The following MNAT1 variants were observed in gnomAD, a reference collection of about 807,000 sequenced individuals.
The protein encoded by MNAT1 is CDK-activating kinase assembly factor MAT1.
MNAT1 carries 43 observed loss-of-function variants against 42.0 expected under a neutral mutation model. The observed-to-expected ratio is 1.02, with a 90% CI of 0.80 to 1.32. The LOEUF is 1.32. Among genes scored for constraint, MNAT1 ranks in the 40% most tolerant of loss-of-function variants. MNAT1 has a pLI of 0.00. For missense variants in MNAT1, 306 were observed against 350.4 expected (o/e 0.87, Z 1.01); for synonymous variants, 118 against 120.0 (o/e 0.98, Z 0.11).
chr14:60,837,596 G>C (rs2033428982), intron 6 of MNAT1, among the ~76,000 whole-genome samples: 1 of 152,200 alleles, frequency 6.6e-6, no homozygotes, highest in South Asian at 2.1e-4. Context: ...ACCTCAGTTG[G>C]AAATACAGAA....
chr14:60,952,204 A>G (rs1231567990), intron 7 of MNAT1, among the ~76,000 whole-genome samples: 3 of 152,306 alleles, frequency 2.0e-5, no homozygotes, highest in African/African-American at 7.2e-5. Flanking sequence ...TTCAGGGTAC[A>G]TGGAGATGGT....
chr14:60,855,081 G>A (rs112809113), intron 6 of MNAT1, among the ~76,000 whole-genome samples: 18 of 152,112 alleles, frequency 1.2e-4, no homozygotes, highest in African/African-American at 3.1e-4. Flanking sequence ...TGAATTCTGC[G>A]CAGTTCAGAC....
intron 7 of MNAT1, among the ~76,000 whole-genome samples, chr14:60,926,247 G>A (rs2035761280): frequency 6.6e-6 from 1 of 152,198 alleles, no homozygotes; most frequent in Non-Finnish European, 1.5e-5. Flanking sequence ...CAGGTGTTGT[G>A]GGGTTTTCCC....
At chr14:60,867,274 A>C (rs2034224547) in intron 6 of MNAT1, among the ~76,000 whole-genome samples, 1 of 152,144 alleles carries the variant, frequency 6.6e-6, no homozygotes, top group Non-Finnish European at 1.5e-5. Context: ...CTGTGTCTGC[A>C]GGATGAAACC....
At chr14:60,754,372 C>T (rs1219189131) in intron 1 of MNAT1, among the ~76,000 whole-genome samples, 4 of 141,262 alleles carry the variant, frequency 2.8e-5, no homozygotes, top group South Asian at 4.4e-4. Context: ...GACCGAGTCT[C>T]GCTCTGTCGC....
chr14:60,943,933 A>G lies in MNAT1; in HGVS notation c.810-24296A>G, dbSNP rs186026783. 2.6e-5 allele frequency among the ~76,000 whole-genome samples: 4 copies of G among 152,314 alleles called. No homozygotes were observed. In the East Asian group the frequency reaches 7.7e-4, roughly 29 times the overall value. ...CTAAAAGTAGCTGCATTATCATAGA[A>G]TTCTTAAGTGTTATTCATATAAGTT... On this transcript the variant is annotated intron_variant, in intron 7 of 7. Coordinates refer to ENST00000261245, the MANE Select transcript of MNAT1 (RefSeq NM_002431.4).
At chr14:60,880,315 A>G (rs1390248020) in intron 7 of MNAT1, among the ~76,000 whole-genome samples, 2 of 152,166 alleles carry the variant, frequency 1.3e-5, no homozygotes, top group African/African-American at 4.8e-5. Flanking sequence ...CAACAGTCAT[A>G]TTATATATAT....
intron 1 of MNAT1, among the ~76,000 whole-genome samples, chr14:60,781,953 T>TTG (rs61229600): frequency 0.076 from 11,103 of 145,972 alleles, 485 homozygotes; most frequent in South Asian, 0.15. Context: ...TGGATTTTGT[T>TTG]TGTGTGTGTG....
chr14:60,918,735 A>AATAT (rs140364759), intron 7 of MNAT1, among the ~76,000 whole-genome samples: 1,546 of 18,438 alleles, frequency 0.084, 38 homozygotes, highest in African/African-American at 0.099. Flanking sequence ...TCCAGATGAG[A>AATAT]ATATATATAT....
At chr14:60,737,501 A>C (rs752012099) in intron 1 of MNAT1, among the ~76,000 whole-genome samples, 2 of 152,108 alleles carry the variant, frequency 1.3e-5, no homozygotes, top group Non-Finnish European at 2.9e-5. Context: ...ATAGTAGTCC[A>C]TTGTTCAAAT....
At chr14:60,841,545 A>G (rs1302161793) in intron 6 of MNAT1, among the ~76,000 whole-genome samples, 1 of 152,052 alleles carries the variant, frequency 6.6e-6, no homozygotes, top group East Asian at 1.9e-4. Context: ...CTTCATGAAC[A>G]TGTGGAATAT....
intron 1 of MNAT1, among the ~76,000 whole-genome samples, chr14:60,750,633 A>G (rs1271021358): frequency 6.6e-6 from 1 of 151,692 alleles, no homozygotes; most frequent in Non-Finnish European, 1.5e-5. Context: ...TTATTGTTAA[A>G]TAAGCTATTT....
intron 1 of MNAT1, among the ~76,000 whole-genome samples, chr14:60,736,441 A>G (rs188356396): frequency 1.4e-3 from 212 of 152,314 alleles, no homozygotes; most frequent in African/African-American, 4.5e-3. Context: ...CAAGTATAAA[A>G]TATTTATTTT....
At chr14:60,866,307 C>CTT (rs58874872) in intron 6 of MNAT1, among the ~76,000 whole-genome samples, 5 of 94,402 alleles carry the variant, frequency 5.3e-5, no homozygotes, top group Admixed American at 1.1e-4. Context: ...TTATTTTGAC[C>CTT]TTTTTTTTTT....
chr14:60,867,418 G>A (rs1338461207), intron 6 of MNAT1, among the ~76,000 whole-genome samples: 1 of 152,070 alleles, frequency 6.6e-6, no homozygotes, highest in African/African-American at 2.4e-5. Context: ...GTCACCATTA[G>A]AATGCTTAAA....
intron 1 of MNAT1, among the ~76,000 whole-genome samples, chr14:60,791,329 A>G (rs2031809154): frequency 6.6e-6 from 1 of 152,132 alleles, no homozygotes; most frequent in South Asian, 2.1e-4. Context: ...CTGAAAGTCT[A>G]CTATCTCTTC....
intron 7 of MNAT1, among the ~76,000 whole-genome samples, chr14:60,920,393 T>C (rs554659876): frequency 4.5e-4 from 68 of 152,328 alleles, no homozygotes; most frequent in Non-Finnish European, 7.9e-4. Context: ...TTGTCTTTTT[T>C]TTCCTTTCCA....
At position 60,966,654 on chromosome 14, in the gene MNAT1, A is replaced by G. The variant is rs184233713; in HGVS notation, c.810-1575A>G. Among the ~76,000 whole-genome samples the G allele has an allele frequency of 8.6e-4, 131 of 152,224 alleles. 1 individual carries two copies. Among genetic ancestry groups the G allele is most frequent in the African/African-American group, 3.1e-3 (127 of 41,540 alleles). On this transcript the variant is annotated intron_variant, in intron 7 of 7. Coordinates refer to ENST00000261245, the MANE Select transcript of MNAT1 (RefSeq NM_002431.4). ...CATCCTCCTGGGTAGCTGGGATTAC[A>G]GGCATGTGCCACCACGCCCAGCCAA...
chr14:60,746,297 C>T (rs562986964), intron 1 of MNAT1, among the ~76,000 whole-genome samples: 7 of 152,146 alleles, frequency 4.6e-5, no homozygotes, highest in African/African-American at 1.4e-4. Context: ...GGGTAGATTA[C>T]GAGGTCAGGA....
Sources: allele counts gnomAD v4.1 joint callset (sites outside exome capture counted in the v4.1 genomes callset), GRCh38; gene constraint gnomAD v4.1.1; transcripts MANE v1.5; gene names NCBI Gene and HGNC (gene_info 2026-07-23, HGNC 2026-07-21).